Variants in ATXN10 observed in about 807,000 individuals in gnomAD.
The protein encoded by ATXN10 is ataxin-10.
Under a neutral mutation model 52.9 loss-of-function variants are expected in ATXN10, and 28 were observed. That is an observed-to-expected ratio of 0.53 (90% CI 0.39 to 0.73). ATXN10 has a LOEUF of 0.73. Among genes scored for constraint, ATXN10 ranks in the 30% least tolerant of loss-of-function variants. The pLI, the probability that ATXN10 is intolerant of heterozygous loss-of-function variation, is 0.00. For missense variants in ATXN10, 565 were observed against 577.0 expected (o/e 0.98, Z 0.21); for synonymous variants, 226 against 221.5 (o/e 1.02, Z -0.18).
chr22:45,813,455 C>T (rs990069850), intron 10 of ATXN10, among the ~76,000 whole-genome samples: 93 of 134,360 alleles, frequency 6.9e-4, no homozygotes, highest in African/African-American at 1.1e-3. Flanking sequence ...TTCTTCATTT[C>T]TTTTTTTTTT....
At chr22:45,796,455 C>T (rs1927742476) in intron 9 of ATXN10, among the ~76,000 whole-genome samples, 1 of 152,176 alleles carries the variant, frequency 6.6e-6, no homozygotes, top group Non-Finnish European at 1.5e-5. Flanking sequence ...CTCTGTGACC[C>T]ACACCCTGTT....
At position 45,750,953 on chromosome 22, in the gene ATXN10, C is replaced by CA. The variant is rs149728165; in HGVS notation, c.1173+10416dup. Among the ~76,000 whole-genome samples, 1,290 of 150,946 alleles carry CA rather than the reference C, an allele frequency of 8.5e-3. 11 individuals are homozygous for CA. The highest frequency in any genetic ancestry group is 0.029 in the African/African-American group (1,207 of 41,180). On this transcript the variant is annotated intron_variant, in intron 9 of 11. Coordinates refer to ENST00000252934, the MANE Select transcript of ATXN10 (RefSeq NM_013236.4). The surrounding 1 kb of genome is among the most constrained non-coding windows in gnomAD (Gnocchi z 4.2). The stretch of plus-strand genomic sequence containing the variant: ...TCTACTTTCCTGTTTTTTTTTGAGA[C>CA]AGAGTCTTGCTTTGTTGCCCAGGCT...
intron 9 of ATXN10, among the ~76,000 whole-genome samples, chr22:45,741,013 T>G (rs539360846): frequency 1.2e-4 from 18 of 152,258 alleles, no homozygotes; most frequent in Middle Eastern, 3.4e-3. Flanking sequence ...AAACCTCTTA[T>G]GTGCAGAAGA....
chr22:45,746,885 GT>G (rs1925750770), intron 9 of ATXN10, among the ~76,000 whole-genome samples: 1 of 152,288 alleles, frequency 6.6e-6, no homozygotes. Flanking sequence ...GTGTGCTGTT[GT>G]TTTTGGTTTT....
At chr22:45,685,679 A>C (rs1923108958) in intron 1 of ATXN10, among the ~76,000 whole-genome samples, 1 of 152,198 alleles carries the variant, frequency 6.6e-6, no homozygotes. Context: ...GGCTGTAGAG[A>C]AGGTAAAGAT....
At chr22:45,743,618 C>T (rs1288698690) in intron 9 of ATXN10, among the ~76,000 whole-genome samples, 1 of 152,174 alleles carries the variant, frequency 6.6e-6, no homozygotes, top group Non-Finnish European at 1.5e-5. Context: ...GTCTCTGCTC[C>T]AAGACTAAAG....
chr22:45,804,176 GAC>G (rs772602806), intron 9 of ATXN10, among the ~76,000 whole-genome samples: 23 of 152,142 alleles, frequency 1.5e-4, no homozygotes, highest in Non-Finnish European at 2.8e-4. Context: ...CCTACAAACT[GAC>G]AGTGGTCTCC....
intron 9 of ATXN10, among the ~76,000 whole-genome samples, chr22:45,747,854 G>A (rs1426597283): frequency 6.6e-6 from 1 of 152,144 alleles, no homozygotes. Flanking sequence ...GCCGAGGCAG[G>A]AGGATCACTT....
rs1555896253 is a variant in ATXN10 at position 45,795,415 on chromosome 22, A to ATTTT, written c.1174-11542_1174-11541insTTTT. ...ATTCTATTCTATTCTATTCTATTCT[A>ATTTT]TTCTATTCTTTTTGAGATGAAGTCT... is the stretch of plus-strand genomic sequence containing the variant. On this transcript the variant is annotated intron_variant, in intron 9 of 11. Transcript: ENST00000252934. The surrounding 1 kb of genome is among the most constrained non-coding windows in gnomAD (Gnocchi z 4.6). Among the ~76,000 whole-genome samples, 1 of 134,076 alleles carries ATTTT rather than the reference A, an allele frequency of 7.5e-6. No homozygotes were observed. The highest frequency in any genetic ancestry group is 1.6e-5 in the Non-Finnish European group (1 of 61,380). 88.0% of individuals were successfully genotyped at this position (134,076 alleles called of 152,430 possible).
At chr22:45,746,395 A>T (rs1036192372) in intron 9 of ATXN10, among the ~76,000 whole-genome samples, 4 of 151,860 alleles carry the variant, frequency 2.6e-5, no homozygotes, top group Non-Finnish European at 5.9e-5. Context: ...AAAAAAGTCT[A>T]TGGCTATTTC....
chr22:45,723,094 A>G lies in ATXN10; in HGVS notation c.728+4601A>G, dbSNP rs531398889. On this transcript the variant is annotated intron_variant, in intron 6 of 11. Transcript: ENST00000252934. ...AGAGTACGCATTTGGGCCACGTGGA[A>G]TAGGTGGCCTCTTAGCATTCCTTGA... Among the ~76,000 whole-genome samples the G allele has an allele frequency of 1.1e-3, 160 of 152,228 alleles. 1 individual carries two copies. The highest frequency in any genetic ancestry group is 1.8e-3 in the Non-Finnish European group (122 of 68,010).
In ATXN10 at chr22:45,775,505, G is replaced by A. The variant is rs1217086701; in HGVS notation, c.1174-31454G>A. ...ATTTTCTTGTTTACTTGTTGAAGCA[G>A]GTTCAGAAATAGTTATTCTGTAGTG... On this transcript the variant is annotated intron_variant, in intron 9 of 11. Transcript: ENST00000252934. The surrounding 1 kb of genome is among the most constrained non-coding windows in gnomAD (Gnocchi z 4.7). 6.6e-6 allele frequency among the ~76,000 whole-genome samples: 1 copy of A among 152,170 alleles called. No individual in the cohort carries two copies. Among genetic ancestry groups the A allele is most frequent in the African/African-American group, 2.4e-5 (1 of 41,448 alleles).
At chr22:45,811,081 A>G (rs1928264575) in intron 10 of ATXN10, among the ~76,000 whole-genome samples, 1 of 152,156 alleles carries the variant, frequency 6.6e-6, no homozygotes, top group Non-Finnish European at 1.5e-5. Flanking sequence ...ATTTTTGTCT[A>G]CTTTGATTTA....
chr22:45,802,410 C>T (rs570587711), intron 9 of ATXN10, among the ~76,000 whole-genome samples: 3 of 152,374 alleles, frequency 2.0e-5, no homozygotes, highest in African/African-American at 7.2e-5. Flanking sequence ...TAGCAGTAAA[C>T]TTGGACTTTG....
In ATXN10 at chr22:45,776,933, GC is replaced by G. The variant is rs139039027; in HGVS notation, c.1174-30025del. Among the ~76,000 whole-genome samples, 1,427 of 152,174 alleles carry G rather than the reference GC, an allele frequency of 9.4e-3. 21 individuals are homozygous for G. The highest frequency in any genetic ancestry group is 0.033 in the African/African-American group (1,360 of 41,504). ...CTTTTTATTCCTATGCATCATTTTT[GC>G]ACATAATTTCTCAATAAATGTATCA... On this transcript the variant is annotated intron_variant, in intron 9 of 11. Coordinates refer to ENST00000252934, the MANE Select transcript of ATXN10 (RefSeq NM_013236.4).
chr22:45,785,078 G>A (rs981731890), intron 9 of ATXN10, among the ~76,000 whole-genome samples: 1 of 152,196 alleles, frequency 6.6e-6, no homozygotes, highest in African/African-American at 2.4e-5. Context: ...AGCTGTGCGT[G>A]TTAGCACAGA....
rs1928828202 is a variant in ATXN10 at position 45,826,756 on chromosome 22, CCACT to C, written c.1238-16234_1238-16231del. 1.3e-5 allele frequency among the ~76,000 whole-genome samples: 2 copies of C among 152,174 alleles called. No homozygotes were observed. Among genetic ancestry groups the C allele is most frequent in the African/African-American group, 2.4e-5 (1 of 41,444 alleles). On this transcript the variant is annotated intron_variant, in intron 10 of 11. Transcript: ENST00000252934. This position sits in a 1 kb window ranked among gnomAD's most constrained non-coding sequence, Gnocchi z 5.0. ...GAACAAAAGCTGATGGAGTTTGTTA[CCACT>C]AGACCTGCCTTGTAAGAAATGCTCA...
At chr22:45,817,736 T>G (rs1181835022) in intron 10 of ATXN10, among the ~76,000 whole-genome samples, 1 of 152,158 alleles carries the variant, frequency 6.6e-6, no homozygotes, top group Non-Finnish European at 1.5e-5. Context: ...AGAAGGTGAT[T>G]TCACAGGTGA....
intron 9 of ATXN10, among the ~76,000 whole-genome samples, chr22:45,746,437 T>C (rs1239158135): frequency 6.6e-6 from 1 of 152,156 alleles, no homozygotes; most frequent in Non-Finnish European, 1.5e-5. Context: ...TTGCTCTTAA[T>C]GAGGATTAGT....
Sources: allele counts gnomAD v4.1 joint callset (sites outside exome capture counted in the v4.1 genomes callset), GRCh38; gene constraint gnomAD v4.1.1; non-coding constraint Gnocchi (gnomAD v3.1); transcripts MANE v1.5; gene names NCBI Gene and HGNC (gene_info 2026-07-23, HGNC 2026-07-21).